Variants in ACTN3 observed in about 807,000 individuals in gnomAD.
The protein encoded by ACTN3 is actinin alpha 3.
ACTN3 carries 91 observed loss-of-function variants against 119.6 expected under a neutral mutation model. The observed-to-expected ratio is 0.76, with a 90% CI of 0.64 to 0.91. ACTN3 has a LOEUF of 0.91. ACTN3 is among the 40% of genes least tolerant of loss of function. The probability of loss-of-function intolerance (pLI) is 0.00; values close to 1 mark genes in which losing one functional copy is unlikely to be tolerated. For missense variants in ACTN3, 1,221 were observed against 1,215.1 expected, an observed-to-expected ratio of 1.00 and a Z score of -0.07; for synonymous variants, 456 against 478.8, an observed-to-expected ratio of 0.95 and a Z score of 0.62.
intron 7 of ACTN3, among the ~76,000 whole-genome samples, chr11:66,555,610 AGTTACCTGG>A (rs972511477): frequency 1.3e-5 from 2 of 151,808 alleles, no homozygotes; most frequent in Non-Finnish European, 2.9e-5. Context: ...CTCACATCCC[AGTTACCTGG>A]GTTACCTGGG....
At chr11:66,558,623 C>T (rs1385800757) in intron 11 of ACTN3, among the ~76,000 whole-genome samples, 1 of 152,174 alleles carries the variant, frequency 6.6e-6, no homozygotes, top group African/African-American at 2.4e-5. Flanking sequence ...CCACCTCAGC[C>T]TCCCAAAGTG....
rs760132591 is a variant in ACTN3 at position 66,555,157 on chromosome 11, C to T, written c.585C>T (p.Ala195=). ...GGAAGGATGGCCTGGCCCTCTGTGC[C>T]CTCATCCACCGACACCGCCCTGACC... The part of the protein sequence containing the change: ...TSWKDGLALC[A]LIHRHRPDLI... The change falls in exon 6 of 21, where the codon GCC becomes GCT. Residue 195 remains alanine (A), a synonymous_variant. Transcript: ENST00000513398. 2.5e-6 allele frequency: 4 copies of T among 1,614,052 alleles called. No individual in the cohort carries two copies. Among genetic ancestry groups the T allele is most frequent in the Non-Finnish European group, 1.7e-6 (2 of 1,179,990 alleles).
chr11:66,551,563 C>A lies in ACTN3; in HGVS notation c.298C>A (p.Arg100Ser), dbSNP rs138699570. 6.2e-7 allele frequency: 1 copy of A among 1,614,076 alleles called. No homozygotes were observed. Among genetic ancestry groups the A allele is most frequent in the South Asian group, 1.1e-5 (1 of 91,066 alleles). ...GCCTAGGCCAGATAAAGGCAAGATGCGCTTCCACAAAATCGCCAACGTTAA... is the reference window on the plus strand; with the variant it reads ...GCCTAGGCCAGATAAAGGCAAGATGAGCTTCCACAAAATCGCCAACGTTAA... Reference protein sequence around the residue: ...RLPRPDKGKMRFHKIANVNKA... With the variant: ...RLPRPDKGKMSFHKIANVNKA... Residue 100 changes from arginine to serine, a missense_variant, in exon 3 of 21, where the codon CGC (arginine) becomes AGC (serine). Physicochemically the swap from Arg to Ser is moderately radical, Grantham distance 110. Coordinates refer to ENST00000513398, the MANE Select transcript of ACTN3 (RefSeq NM_001104.4).
intron 3 of ACTN3, among the ~76,000 whole-genome samples, chr11:66,552,608 C>T (rs1305648704): frequency 6.6e-6 from 1 of 152,070 alleles, no homozygotes; most frequent in Non-Finnish European, 1.5e-5. Context: ...TGTATTCTCG[C>T]ACTTTGGGAG....
In ACTN3 at chr11:66,563,125, G is replaced by C. The variant is rs374550441; in HGVS notation, c.2638G>C (p.Gly880Arg). Residue 880 changes from glycine to arginine, a missense_variant, in exon 21 of 21, where the codon GGG (glycine) becomes CGG (arginine). Around this residue, in one of 3 missense-constraint regions of ACTN3, gnomAD observed 934 missense variants for 899.9 expected, o/e 1.04. Coordinates refer to ENST00000513398, the MANE Select transcript of ACTN3 (RefSeq NM_001104.4). ...IRRMVPYKGS[G>R]APAGALDYVA... ...CCGTATGGTGCCCTACAAGGGATCC[G>C]GGGCCCCGGCTGGAGCCCTGGACTA... 11 of 1,613,076 alleles carry C rather than the reference G, an allele frequency of 6.8e-6. No homozygotes were observed. The highest frequency in any genetic ancestry group is 6.7e-5 in the East Asian group (3 of 44,864).
chr11:66,557,180 G>A lies in ACTN3; in HGVS notation c.852G>A (p.Gln284=). Residue 284 remains glutamine, a synonymous_variant, in exon 9 of 21, where the codon CAG becomes CAA. Transcript: ENST00000513398. ...NRICKVLAVN[Q]ENEKLMEEYE... ...TCTGCAAGGTGCTGGCAGTGAACCA[G>A]GAAAACGAGAAGCTGATGGAGGAGT... 1 of 1,554,102 alleles carries A rather than the reference G, an allele frequency of 6.4e-7. No homozygotes were observed. The highest frequency in any genetic ancestry group is 1.2e-5 in the South Asian group (1 of 84,118).
At chr11:66,557,295 A>T (rs1857611928) in intron 9 of ACTN3, 70 bp downstream of exon 9, 1 of 1,432,982 alleles carries the variant, frequency 7.0e-7, no homozygotes, top group African/African-American at 1.4e-5. Flanking sequence ...GCTAACCCCA[A>T]GCGTGGGCCT....
rs944084341 is a variant in ACTN3 at position 66,551,455 on chromosome 11, G to A, written c.263-73G>A. 29 of 1,572,864 alleles carry A rather than the reference G, an allele frequency of 1.8e-5. 2 individuals carry two copies. In the Admixed American group the frequency reaches 2.3e-4, roughly 12 times the overall value. The stretch of plus-strand genomic sequence containing the variant: ...GTGTTGGACGGGACTTGGTGGGGAG[G>A]GGAGAGTTTGCGGACAATAGCTTCA... On this transcript the variant is annotated intron_variant, in intron 2 of 20. Transcript: ENST00000513398.
chr11:66,546,523 C>G (rs565196557), upstream of ACTN3: 1 of 1,535,404 alleles, frequency 6.5e-7, no homozygotes, highest in African/African-American at 1.4e-5. Flanking sequence ...GGGGATAGGG[C>G]TCTGTGTCCC....
chr11:66,551,509 C>T lies in ACTN3; in HGVS notation c.263-19C>T. The T allele has an allele frequency of 6.2e-7, 1 of 1,611,536 alleles. No individual in the cohort carries two copies. Among genetic ancestry groups the T allele is most frequent in the Admixed American group, 1.7e-5 (1 of 59,482 alleles). On this transcript the variant is annotated intron_variant, in intron 2 of 20. Coordinates refer to ENST00000513398, the MANE Select transcript of ACTN3 (RefSeq NM_001104.4). ...GCCTCTCATGACCTTTGGCCCTTGG[C>T]CTCTCCTCTTAAACCCAGGTGAGAG...
At chr11:66,559,831 A>T in intron 12 of ACTN3, 137 bp from the exon 13 acceptor site, 3 of 860,096 alleles carry the variant, frequency 3.5e-6, no homozygotes, top group Non-Finnish European at 5.5e-6. Flanking sequence ...CTTGGAAAGC[A>T]CCCAGCTTTA....
chr11:66,560,238 T>C lies in ACTN3; in HGVS notation c.1604T>C (p.Phe535Ser), dbSNP rs775923140. The C allele has an allele frequency of 6.2e-7, 1 of 1,613,174 alleles. No homozygotes were observed. The highest frequency in any genetic ancestry group is 2.2e-5 in the East Asian group (1 of 44,858). ...GAGTTTGCCCGGCGGGCCGCGCCCT[T>C]CAACAACTGGCTGGATGGTGCCGTG... is the stretch of plus-strand genomic sequence containing the variant. ...QLEFARRAAP[F>S]NNWLDGAVED... is the part of the protein sequence containing the mutation. Residue 535 changes from phenylalanine to serine, a missense_variant, in exon 14 of 21, where the codon TTC becomes TCC. Phe to Ser is a radical substitution (Grantham distance 155, BLOSUM62 -2). Around this residue, in one of 3 missense-constraint regions of ACTN3, gnomAD observed 934 missense variants for 899.9 expected, o/e 1.04. Transcript: ENST00000513398.
intron 2 of ACTN3, 25 bp downstream of exon 2, chr11:66,551,378 T>C (rs1857467080): frequency 6.3e-7 from 1 of 1,585,810 alleles, no homozygotes; most frequent in Non-Finnish European, 8.6e-7. Context: ...TCAGTGCACC[T>C]GGGCCCCAGG....
rs748764474 is a variant in ACTN3, at chr11:66,556,219, G to A, written c.793G>A (p.Gly265Arg). The change falls in exon 8 of 21, where the codon GGG becomes AGG. Residue 265 changes from glycine (G) to arginine (R), a missense_variant. By Grantham distance (125) the Gly-to-Arg change is moderately radical. This residue lies in a region of ACTN3 where 934 missense variants were observed against 899.9 expected (regional missense o/e 1.04). Transcript: ENST00000513398. ...GTCCTGCTTCTACCATGCCTTTGCC[G>A]GGGCTGAGCAGGTAAGGCGGCCCAA... ...YVSCFYHAFA[G>R]AEQAETAANR... The A allele has an allele frequency of 2.7e-5, 44 of 1,613,744 alleles. 1 individual carries two copies. The South Asian group carries it at 3.6e-4, about 13-fold the overall frequency.
chr11:66,562,411 C>A (rs1857802711), intron 19 of ACTN3, 89 bp downstream of exon 19: 1 of 1,382,182 alleles, frequency 7.2e-7, no homozygotes. Context: ...TCTTCACATA[C>A]ACCATCCCCT....
chr11:66,551,228 TCTGCCC>T lies in ACTN3; in HGVS notation c.148-8_148-3del, dbSNP rs1252437150. 5 of 1,596,164 alleles carry T rather than the reference TCTGCCC, an allele frequency of 3.1e-6. No homozygotes were observed. The South Asian group carries it at 5.6e-5, about 18-fold the overall frequency. ...CAGTCGTAGGGTTTGAGTGCTGTCC[TCTGCCC>T]CTAGACCTTCACTGCCTGGTGCAAC... is the stretch of plus-strand genomic sequence containing the variant. On this transcript the variant is annotated splice_region_variant and splice_polypyrimidine_tract_variant and intron_variant, in intron 1 of 20. Coordinates refer to ENST00000513398, the MANE Select transcript of ACTN3 (RefSeq NM_001104.4).
At chr11:66,560,097 G>A in intron 13 of ACTN3, 21 bp downstream of exon 13, 3 of 1,548,496 alleles carry the variant, frequency 1.9e-6, no homozygotes, top group Non-Finnish European at 2.6e-6. Context: ...GGGCCGGGGA[G>A]CTGGGGGGTG....
chr11:66,557,298 G>C (rs1378404841), intron 9 of ACTN3, 73 bp downstream of exon 9: 2 of 1,423,290 alleles, frequency 1.4e-6, no homozygotes, highest in Non-Finnish European at 1.9e-6. Context: ...AACCCCAAGC[G>C]TGGGCCTGCA....
At chr11:66,558,308 T>TC in intron 11 of ACTN3, 134 bp downstream of exon 11, 1 of 1,328,490 alleles carries the variant, frequency 7.5e-7, no homozygotes, top group Non-Finnish European at 1.0e-6. Context: ...AGACTGGATT[T>TC]CTAGTCCCAC....
Sources: allele counts gnomAD v4.1 joint callset (sites outside exome capture counted in the v4.1 genomes callset), GRCh38; gene constraint gnomAD v4.1.1; regional missense constraint gnomAD v4.1.1; transcripts MANE v1.5; gene names NCBI Gene and HGNC (gene_info 2026-07-23, HGNC 2026-07-21).